The following CSMD1 variants were observed in gnomAD, a reference collection of about 807,000 sequenced individuals.
The protein encoded by CSMD1 is CUB and Sushi multiple domains 1, also known as CUB and sushi domain-containing protein 1.
A neutral mutation model predicts 417.5 loss-of-function variants in CSMD1; 213 were observed. That is an observed-to-expected ratio of 0.51 (90% CI 0.46 to 0.57). The LOEUF is 0.57. Among genes scored for constraint, CSMD1 ranks in the 20% least tolerant of loss-of-function variants. CSMD1 has a pLI of 0.00. For synonymous variants in CSMD1, 2,862 were observed against 1,736.8 expected (o/e 1.65, Z -16.11); for missense variants, 6,923 against 4,529.7 (o/e 1.53, Z -15.17).
At chr8:2,991,160 C>G (rs1165600953) in intron 54 of CSMD1, among the ~76,000 whole-genome samples, 1 of 152,180 alleles carries the variant, frequency 6.6e-6, no homozygotes, top group Non-Finnish European at 1.5e-5. Flanking sequence ...TAGGGTGTGT[C>G]ATTAAGGGTA....
intron 28 of CSMD1, among the ~76,000 whole-genome samples, chr8:3,220,647 A>G (rs1023677937): frequency 3.9e-5 from 6 of 152,200 alleles, no homozygotes; most frequent in Admixed American, 2.6e-4. Flanking sequence ...CCTGGCCAAT[A>G]TGGTGAAACC....
At chr8:4,449,671 G>A (rs141845023) in intron 2 of CSMD1, among the ~76,000 whole-genome samples, 1 of 152,130 alleles carries the variant, frequency 6.6e-6, no homozygotes, top group Non-Finnish European at 1.5e-5. Context: ...CAGCCTGAGA[G>A]GAATGGGATG....
At chr8:4,032,363 G>C (rs544547614) in intron 3 of CSMD1, among the ~76,000 whole-genome samples, 1 of 152,282 alleles carries the variant, frequency 6.6e-6, no homozygotes, top group South Asian at 2.1e-4. Context: ...CTTTTATTCA[G>C]TGTTCCAGAT....
At chr8:3,495,978 G>T (rs893804855) in intron 10 of CSMD1, among the ~76,000 whole-genome samples, 1 of 152,108 alleles carries the variant, frequency 6.6e-6, no homozygotes, top group African/African-American at 2.4e-5. Flanking sequence ...CACGTGCCAT[G>T]GTGGTTTGCT....
At chr8:3,942,109 T>C (rs548230730) in intron 5 of CSMD1, among the ~76,000 whole-genome samples, 1 of 152,120 alleles carries the variant, frequency 6.6e-6, no homozygotes, top group South Asian at 2.1e-4. Flanking sequence ...TAATGCCTGA[T>C]GATCTGTCAC....
intron 1 of CSMD1, among the ~76,000 whole-genome samples, chr8:4,688,756 C>T (rs1452738359): frequency 6.6e-6 from 1 of 152,144 alleles, no homozygotes; most frequent in African/African-American, 2.4e-5. Context: ...AATTACAGCA[C>T]TGCGGAGATA....
intron 1 of CSMD1, among the ~76,000 whole-genome samples, chr8:4,750,293 A>C (rs956282717): frequency 1.3e-5 from 2 of 152,162 alleles, no homozygotes; most frequent in African/African-American, 4.8e-5. Flanking sequence ...AGGGTGAACC[A>C]CCATGCCCGG....
intron 1 of CSMD1, among the ~76,000 whole-genome samples, chr8:4,922,764 G>C (rs1348539676): frequency 2.6e-5 from 4 of 152,090 alleles, no homozygotes; most frequent in African/African-American, 9.7e-5. Flanking sequence ...GTGTAAAGAA[G>C]GCTACTGAAG....
intron 5 of CSMD1, among the ~76,000 whole-genome samples, chr8:3,829,903 T>C (rs78913906): frequency 8.3e-4 from 126 of 152,276 alleles, no homozygotes; most frequent in Non-Finnish European, 1.4e-3. Context: ...CATAGATCTA[T>C]TGGGAAAATG....
chr8:3,159,349 C>T (rs1456652170), intron 38 of CSMD1, among the ~76,000 whole-genome samples: 1 of 152,102 alleles, frequency 6.6e-6, no homozygotes, highest in Non-Finnish European at 1.5e-5. Flanking sequence ...CTAGTTTTTA[C>T]ACCAATGGGA....
At chr8:4,364,175 CT>C (rs1156646998) in intron 3 of CSMD1, among the ~76,000 whole-genome samples, 1 of 152,064 alleles carries the variant, frequency 6.6e-6, no homozygotes, top group Non-Finnish European at 1.5e-5. Flanking sequence ...TATATACCTA[CT>C]AAATGCCCAC....
intron 3 of CSMD1, among the ~76,000 whole-genome samples, chr8:4,326,006 A>C (rs12541979): frequency 0.86 from 130,438 of 152,106 alleles, 56,065 homozygotes; most frequent in East Asian, 0.99. Flanking sequence ...CTCAGTAAAG[A>C]CGTTGGCTCG....
intron 5 of CSMD1, among the ~76,000 whole-genome samples, chr8:3,864,000 T>C (rs543657053): frequency 1.1e-4 from 17 of 152,298 alleles, no homozygotes; most frequent in African/African-American, 3.6e-4. Context: ...AGAAAATTCA[T>C]AAGGCAGAAA....
intron 1 of CSMD1, among the ~76,000 whole-genome samples, chr8:4,808,228 G>C (rs1427126070): frequency 1.3e-5 from 2 of 152,168 alleles, no homozygotes; most frequent in Non-Finnish European, 2.9e-5. Flanking sequence ...GCGGTATAGG[G>C]TTGCTGCATT....
chr8:3,680,409 C>T (rs948737321), intron 7 of CSMD1, among the ~76,000 whole-genome samples: 3 of 152,174 alleles, frequency 2.0e-5, no homozygotes, highest in African/African-American at 7.2e-5. Context: ...CTATTAACAC[C>T]TCTACGCAAA....
At chr8:4,363,352 G>A (rs909431755) in intron 3 of CSMD1, among the ~76,000 whole-genome samples, 4 of 152,128 alleles carry the variant, frequency 2.6e-5, no homozygotes, top group African/African-American at 7.2e-5. Context: ...TTAGGTACTC[G>A]TATGTGTATG....
intron 10 of CSMD1, among the ~76,000 whole-genome samples, chr8:3,566,868 G>A (rs1463770575): frequency 6.6e-6 from 1 of 152,180 alleles, no homozygotes; most frequent in East Asian, 1.9e-4. Context: ...AAGGCAGCGT[G>A]GTGATTCCTG....
In CSMD1 at chr8:3,949,277, T is replaced by C. The variant is rs552874955; in HGVS notation, c.818+48626A>G. ...AATGTTATCAACTACAGCTATCATGTTGTACAATGGAGCTCTTAAACTTTC... is the reference window on the plus strand; with the variant it reads ...AATGTTATCAACTACAGCTATCATGCTGTACAATGGAGCTCTTAAACTTTC... On this transcript the variant is annotated intron_variant, in intron 5 of 69. Coordinates refer to ENST00000635120, the MANE Select transcript of CSMD1 (RefSeq NM_033225.6). Among the ~76,000 whole-genome samples, 18 of 152,264 alleles carry C rather than the reference T, an allele frequency of 1.2e-4. 1 individual carries two copies. In the South Asian group the frequency reaches 3.7e-3, roughly 32 times the overall value.
In CSMD1 at chr8:3,869,688, G is replaced by A. The variant is rs181643864; in HGVS notation, c.819-115646C>T. On this transcript the variant is annotated intron_variant, in intron 5 of 69. Transcript: ENST00000635120. ...CACAGGAGGAAAGGTGCACAGGTGCGCGCAGCCAGGAGCATGTGGGGAAGC... is the reference window on the plus strand; with the variant it reads ...CACAGGAGGAAAGGTGCACAGGTGCACGCAGCCAGGAGCATGTGGGGAAGC... Among the ~76,000 whole-genome samples the A allele has an allele frequency of 4.4e-3, 662 of 152,154 alleles. 2 individuals carry two copies. The highest frequency in any genetic ancestry group is 0.014 in the Middle Eastern group (4 of 294).
Sources: gnomAD v4.1 joint callset for allele counts (sites outside exome capture counted in the v4.1 genomes callset) on GRCh38, gnomAD v4.1.1 for gene constraint, MANE v1.5 for transcripts, NCBI Gene and HGNC (gene_info 2026-07-23, HGNC 2026-07-21) for gene names.